RAB2A: variants seen among roughly 807,000 people sequenced by gnomAD.
RAB2A encodes the protein ras-related protein Rab-2A.
RAB2A carries 7 observed loss-of-function variants against 32.5 expected under a neutral mutation model. That is an observed-to-expected ratio of 0.22 (90% CI 0.12 to 0.40). The LOEUF is 0.40. Ranked by LOEUF, RAB2A falls within the 10% of genes least tolerant of loss-of-function variation. The pLI is 1.00. For synonymous variants in RAB2A, 79 were observed against 85.2 expected (o/e 0.93, Z 0.40); for missense variants, 108 against 260.7 (o/e 0.41, Z 4.03).
intron 1 of RAB2A, among the ~76,000 whole-genome samples, chr8:60,524,352 C>T (rs1807346884): frequency 6.6e-6 from 1 of 151,420 alleles, no homozygotes; most frequent in South Asian, 2.1e-4. Context: ...TTTTCCCTTT[C>T]CTTCTGGCCC....
chr8:60,600,143 A>G (rs1457006978), intron 6 of RAB2A, among the ~76,000 whole-genome samples: 4 of 152,136 alleles, frequency 2.6e-5, no homozygotes, highest in Non-Finnish European at 5.9e-5. Context: ...AGGATCTACA[A>G]ATGGCAAATA....
chr8:60,592,122 T>G (rs1220693454), intron 6 of RAB2A, 153 bp downstream of exon 6: 1 of 455,366 alleles, frequency 2.2e-6, no homozygotes, highest in Non-Finnish European at 4.1e-6. Context: ...CTTGTAACAT[T>G]CACCTTCTGT....
chr8:60,548,529 T>G, intron 1 of RAB2A, among the ~76,000 whole-genome samples: 1 of 91,352 alleles, frequency 1.1e-5, no homozygotes, highest in Non-Finnish European at 2.1e-5. Flanking sequence ...CCCCCCCACC[T>G]CCCTCCCGGA....
intron 2 of RAB2A, 172 bp downstream of exon 2, chr8:60,559,095 T>C (rs1807981500): frequency 3.7e-6 from 2 of 537,084 alleles, no homozygotes; most frequent in Admixed American, 3.6e-5. Flanking sequence ...AAAATAAATA[T>C]TACCTAACTT....
At chr8:60,530,819 T>C (rs1035269571) in intron 1 of RAB2A, among the ~76,000 whole-genome samples, 2 of 151,058 alleles carry the variant, frequency 1.3e-5, no homozygotes, top group Admixed American at 1.3e-4. Flanking sequence ...TCATGGGCTT[T>C]TGGGTTTAGA....
intron 1 of RAB2A, among the ~76,000 whole-genome samples, chr8:60,527,060 G>A (rs1807403433): frequency 1.3e-5 from 2 of 152,060 alleles, no homozygotes; most frequent in Non-Finnish European, 2.9e-5. Context: ...GGCTGTAAAG[G>A]AAGCATGGCT....
chr8:60,567,393 A>G (rs1233565816), intron 2 of RAB2A, among the ~76,000 whole-genome samples: 3 of 151,868 alleles, frequency 2.0e-5, no homozygotes. Flanking sequence ...TTTCTATTTC[A>G]TGAGGCAATA....
At chr8:60,609,814 A>T (rs1563486484) in intron 6 of RAB2A, among the ~76,000 whole-genome samples, 1 of 152,016 alleles carries the variant, frequency 6.6e-6, no homozygotes, top group Middle Eastern at 3.2e-3. Flanking sequence ...AAAAAATAAA[A>T]AATTAGCCAG....
rs765168370 is a variant in RAB2A at position 60,591,915 on chromosome 8, A to G, written c.420A>G (p.Glu140=). The G allele has an allele frequency of 5.6e-6, 9 of 1,613,094 alleles. No individual in the cohort carries two copies. Among genetic ancestry groups the G allele is most frequent in the East Asian group, 2.2e-5 (1 of 44,802 alleles). ...AAGAAGGTGAAGCTTTTGCACGAGAACATGGACTCATCTTCATGGAAACGT... is the reference window on the plus strand; with the variant it reads ...AAGAAGGTGAAGCTTTTGCACGAGAGCATGGACTCATCTTCATGGAAACGT... The part of the protein sequence containing the change: ...KKEEGEAFAR[E]HGLIFMETSA... The change falls in exon 6 of 8, where the codon GAA becomes GAG. Residue 140 remains glutamate (E), a synonymous_variant. Transcript: ENST00000262646.
intron 1 of RAB2A, among the ~76,000 whole-genome samples, chr8:60,533,142 A>G (rs1445942426): frequency 1.3e-5 from 2 of 152,242 alleles, no homozygotes; most frequent in African/African-American, 2.4e-5. Context: ...ACACATGTCT[A>G]AAAACTTAGT....
chr8:60,544,647 C>T (rs901673035), intron 1 of RAB2A, among the ~76,000 whole-genome samples: 15 of 150,096 alleles, frequency 1.0e-4, no homozygotes, highest in East Asian at 2.0e-4. Flanking sequence ...TCTCCCACCT[C>T]CACCTCCCAA....
intron 1 of RAB2A, among the ~76,000 whole-genome samples, chr8:60,546,153 A>G (rs1213493055): frequency 2.0e-5 from 3 of 152,230 alleles, no homozygotes; most frequent in Admixed American, 6.5e-5. Flanking sequence ...GAGAAATACT[A>G]GAAGAGGTGG....
At chr8:60,526,053 A>G (rs1165676085) in intron 1 of RAB2A, among the ~76,000 whole-genome samples, 1 of 117,998 alleles carries the variant, frequency 8.5e-6, no homozygotes, top group African/African-American at 3.4e-5. Context: ...ATATATATAT[A>G]TATAAGTTTT....
chr8:60,544,320 G>A (rs1161820832), intron 1 of RAB2A, among the ~76,000 whole-genome samples: 2 of 93,350 alleles, frequency 2.1e-5, no homozygotes, highest in African/African-American at 8.6e-5. Context: ...GATTACAGGC[G>A]TGAGCCACCA....
chr8:60,578,725 T>C (rs879895817), intron 3 of RAB2A, among the ~76,000 whole-genome samples: 77 of 152,204 alleles, frequency 5.1e-4, no homozygotes, highest in African/African-American at 1.6e-3. Flanking sequence ...AGGTGAAGAT[T>C]ACTACTAGTT....
Position 60,526,467 on chromosome 8 carries a change from G to A in RAB2A, c.46+9214G>A, listed in dbSNP as rs146671807. 8.5e-5 allele frequency among the ~76,000 whole-genome samples: 13 copies of A among 152,160 alleles called. No individual in the cohort carries two copies. In the East Asian group the frequency reaches 1.9e-3, roughly 23 times the overall value. On this transcript the variant is annotated intron_variant, in intron 1 of 7. Coordinates refer to ENST00000262646, the MANE Select transcript of RAB2A (RefSeq NM_002865.3). ...TTAGGAAAGGTTTTCCACTTTTAAGGACTCATGTGATTAGATTGGGCTTAC... is the reference window on the plus strand; with the variant it reads ...TTAGGAAAGGTTTTCCACTTTTAAGAACTCATGTGATTAGATTGGGCTTAC...
chr8:60,579,695 T>C (rs1243175561), intron 3 of RAB2A, among the ~76,000 whole-genome samples: 4 of 151,958 alleles, frequency 2.6e-5, no homozygotes, highest in Non-Finnish European at 5.9e-5. Context: ...TGGCGCAGTC[T>C]TGGCTCACTG....
intron 3 of RAB2A, chr8:60,576,245 G>T: frequency 2.2e-6 from 1 of 456,290 alleles, no homozygotes; most frequent in Admixed American, 2.3e-5. Context: ...GGAAGTCAAA[G>T]AAGAAACATA....
intron 1 of RAB2A, among the ~76,000 whole-genome samples, chr8:60,530,174 A>T (rs1225301997): frequency 8.0e-6 from 1 of 125,316 alleles, no homozygotes; most frequent in African/African-American, 3.2e-5. Context: ...AGAGAGAGAG[A>T]GTCTCGCTCT....
Sources: allele counts gnomAD v4.1 joint callset (sites outside exome capture counted in the v4.1 genomes callset), GRCh38; gene constraint gnomAD v4.1.1; transcripts MANE v1.5; gene names NCBI Gene and HGNC (gene_info 2026-07-23, HGNC 2026-07-21).